Variants in RAD54L2 observed in about 807,000 individuals in gnomAD.
The protein encoded by RAD54L2 is helicase ARIP4.
A neutral mutation model predicts 138.4 loss-of-function variants in RAD54L2; 27 were observed. The observed-to-expected ratio is 0.20, with a 90% CI of 0.14 to 0.27. RAD54L2 has a LOEUF of 0.27. Ranked by LOEUF, RAD54L2 falls within the 10% of genes least tolerant of loss-of-function variation. RAD54L2 has a pLI of 1.00. For synonymous variants in RAD54L2, 644 were observed against 723.2 expected, an observed-to-expected ratio of 0.89 and a Z score of 1.76; for missense variants, 1,396 against 1,890.2, an observed-to-expected ratio of 0.74 and a Z score of 4.85.
At chr3:51,629,279 T>G (rs1700775575) in intron 4 of RAD54L2, 55 bp from the exon 5 acceptor site, 1 of 1,531,992 alleles carries the variant, frequency 6.5e-7, no homozygotes, top group East Asian at 2.4e-5. Flanking sequence ...AGCTTGCCAT[T>G]ACATTGCCCA....
At chr3:51,572,313 C>T (rs942421111) in intron 2 of RAD54L2, among the ~76,000 whole-genome samples, 2 of 152,088 alleles carry the variant, frequency 1.3e-5, no homozygotes, top group African/African-American at 2.4e-5. Context: ...ATTAGCCAGG[C>T]GTTGTGGTGG....
chr3:51,653,270 G>A (rs1701491686), intron 19 of RAD54L2, among the ~76,000 whole-genome samples: 2 of 152,144 alleles, frequency 1.3e-5, no homozygotes, highest in Non-Finnish European at 2.9e-5. Context: ...TCATTAAAAA[G>A]TCAGGAAACA....
intron 3 of RAD54L2, among the ~76,000 whole-genome samples, chr3:51,594,003 C>G (rs528918082): frequency 4.0e-5 from 6 of 151,274 alleles, no homozygotes; most frequent in African/African-American, 1.5e-4. Context: ...AGCTTTAGCT[C>G]CATCCCCCCA....
At chr3:51,615,392 A>G (rs1441194753) in intron 3 of RAD54L2, among the ~76,000 whole-genome samples, 2 of 152,224 alleles carry the variant, frequency 1.3e-5, no homozygotes, top group Non-Finnish European at 2.9e-5. Flanking sequence ...AGCGTGGTCC[A>G]CAGAGAATAT....
chr3:51,565,103 G>A (rs1319836855), intron 2 of RAD54L2, among the ~76,000 whole-genome samples: 1 of 152,162 alleles, frequency 6.6e-6, no homozygotes, highest in Non-Finnish European at 1.5e-5. Context: ...GCTTGGGGAA[G>A]CCTGCATGAG....
intron 2 of RAD54L2, among the ~76,000 whole-genome samples, chr3:51,559,804 G>A (rs1349792873): frequency 6.6e-6 from 1 of 152,196 alleles, no homozygotes; most frequent in Non-Finnish European, 1.5e-5. Flanking sequence ...TGCTCCAAGT[G>A]GAACACCGGT....
chr3:51,620,200 C>T lies in RAD54L2; in HGVS notation c.140-7353C>T, dbSNP rs542562349. 1.3e-3 allele frequency among the ~76,000 whole-genome samples: 190 copies of T among 151,290 alleles called. 4 individuals are homozygous for T. The South Asian group carries it at 0.031, about 25-fold the overall frequency. Reference sequence around the variant, plus strand: ...GTAGCCTCAACTTCCTGGGCTCAAGCGGTTCTCCCACCTCAGCCTCCAGGG... The same window carrying T: ...GTAGCCTCAACTTCCTGGGCTCAAGTGGTTCTCCCACCTCAGCCTCCAGGG... On this transcript the variant is annotated intron_variant, in intron 3 of 22. Transcript: ENST00000684192.
chr3:51,554,765 C>A (rs950759602), intron 2 of RAD54L2, among the ~76,000 whole-genome samples: 1 of 152,138 alleles, frequency 6.6e-6, no homozygotes, highest in African/African-American at 2.4e-5. Context: ...CATTTGCCAC[C>A]TTTAAGACTT....
At chr3:51,541,786 T>C (rs1698559731) in intron 2 of RAD54L2, 136 bp downstream of exon 2, 1 of 152,196 alleles carries the variant, frequency 6.6e-6, no homozygotes, top group Admixed American at 6.5e-5. Flanking sequence ...TTGCTGTCTA[T>C]CTCTCTGTGT....
At chr3:51,620,916 G>A (rs1298998256) in intron 3 of RAD54L2, among the ~76,000 whole-genome samples, 1 of 151,708 alleles carries the variant, frequency 6.6e-6, no homozygotes, top group East Asian at 1.9e-4. Context: ...CTCAGTAACT[G>A]TTGGTGGGTT....
chr3:51,626,366 C>T (rs1027702339), intron 3 of RAD54L2, among the ~76,000 whole-genome samples: 3 of 149,668 alleles, frequency 2.0e-5, no homozygotes, highest in South Asian at 2.1e-4. Context: ...GCACATGGAT[C>T]CGCCTACTCC....
chr3:51,588,103 A>G (rs1699748318), intron 2 of RAD54L2, among the ~76,000 whole-genome samples: 2 of 141,084 alleles, frequency 1.4e-5, no homozygotes, highest in East Asian at 2.3e-4. Context: ...GGAGAATGGT[A>G]TGAACTCAGG....
chr3:51,654,727 G>A (rs927779397), intron 19 of RAD54L2, among the ~76,000 whole-genome samples: 15 of 152,248 alleles, frequency 9.9e-5, no homozygotes, highest in Non-Finnish European at 1.3e-4. Context: ...GAGAGAAGAT[G>A]TGACAAATGG....
chr3:51,608,093 G>T (rs1303335607), intron 3 of RAD54L2, among the ~76,000 whole-genome samples: 1 of 150,234 alleles, frequency 6.7e-6, no homozygotes, highest in Non-Finnish European at 1.5e-5. Flanking sequence ...GGGTGGAGGG[G>T]CTCCTCACTT....
chr3:51,636,551 T>C (rs1700986760), intron 10 of RAD54L2, among the ~76,000 whole-genome samples: 1 of 152,226 alleles, frequency 6.6e-6, no homozygotes, highest in Non-Finnish European at 1.5e-5. Context: ...TTTTTAATCC[T>C]AGGCTGGCAC....
intron 1 of RAD54L2, among the ~76,000 whole-genome samples, chr3:51,539,666 A>T (rs1269858352): frequency 6.6e-6 from 1 of 152,000 alleles, no homozygotes; most frequent in Non-Finnish European, 1.5e-5. Flanking sequence ...CTGAGATTGG[A>T]GAATCAGCTT....
At chr3:51,655,079 C>T (rs979684341) in intron 19 of RAD54L2, among the ~76,000 whole-genome samples, 2 of 152,140 alleles carry the variant, frequency 1.3e-5, no homozygotes, top group Non-Finnish European at 2.9e-5. Flanking sequence ...ACCAAAGGGG[C>T]CTTTAAAAAC....
In RAD54L2 at chr3:51,573,938, C is replaced by T. The variant is rs527991308; in HGVS notation, c.-54-16429C>T. On this transcript the variant is annotated intron_variant, in intron 2 of 22. Coordinates refer to ENST00000684192, the MANE Select transcript of RAD54L2 (RefSeq NM_015106.4). ...TGTATACATGTGCCATGTTGGTGTGCTGCACCCATTAACTCGTCATTTACA... is the reference window on the plus strand; with the variant it reads ...TGTATACATGTGCCATGTTGGTGTGTTGCACCCATTAACTCGTCATTTACA... 7.2e-5 allele frequency among the ~76,000 whole-genome samples: 11 copies of T among 151,994 alleles called. 1 individual carries two copies. In the South Asian group the frequency reaches 1.2e-3, roughly 17 times the overall value.
rs1214358468 is a variant in RAD54L2, at chr3:51,665,695, G to T, written c.*2275G>T. On this transcript the variant is annotated 3_prime_UTR_variant, in exon 23 of 23. Coordinates refer to ENST00000684192, the MANE Select transcript of RAD54L2 (RefSeq NM_015106.4). Reference sequence around the variant, plus strand: ...CTCTCAGGTTGAGGCTGGTGCAGTAGGAGTGAGCTAGACTGAATCTCCAAT... The same window carrying T: ...CTCTCAGGTTGAGGCTGGTGCAGTATGAGTGAGCTAGACTGAATCTCCAAT... 1 of 152,252 alleles carries T rather than the reference G, an allele frequency of 6.6e-6. No individual in the cohort carries two copies. The highest frequency in any genetic ancestry group is 1.5e-5 in the Non-Finnish European group (1 of 68,052). The allele number at this position is 152,252 out of a possible 1,614,324, so 9.4% of individuals were successfully genotyped here. A position where few individuals can be genotyped will look rare whatever the true frequency, so the allele number is the denominator to read the frequency against.
Sources: gnomAD v4.1 joint callset for allele counts (sites outside exome capture counted in the v4.1 genomes callset) on GRCh38, gnomAD v4.1.1 for gene constraint, MANE v1.5 for transcripts, NCBI Gene and HGNC (gene_info 2026-07-23, HGNC 2026-07-21) for gene names.